MYO9A: variants seen among roughly 807,000 people sequenced by gnomAD.
MYO9A encodes the protein myosin IXA, also known as unconventional myosin-IXa.
Under a neutral mutation model 293.3 loss-of-function variants are expected in MYO9A, and 103 were observed. The ratio of observed to expected loss-of-function variants is 0.35; its 90% CI spans 0.30 to 0.41. The LOEUF (loss-of-function observed/expected upper bound fraction) is 0.41, where lower values mean the gene tolerates loss of function less well. Ranked by LOEUF, MYO9A falls within the 10% of genes least tolerant of loss-of-function variation. The pLI is 1.00. For synonymous variants in MYO9A, 1,001 were observed against 1,035.7 expected (o/e 0.97, Z 0.64); for missense variants, 2,685 against 3,033.0 (o/e 0.89, Z 2.69).
intron 39 of MYO9A, among the ~76,000 whole-genome samples, chr15:71,831,217 G>A (rs1292379495): frequency 6.6e-6 from 1 of 152,066 alleles, no homozygotes; most frequent in Non-Finnish European, 1.5e-5. Flanking sequence ...CTACAGCAGA[G>A]GACGGCAAAC....
rs2054321391 is a variant in MYO9A, at chr15:71,822,665, A to G, written c.*3915T>C. The G allele has an allele frequency of 6.6e-6, 1 of 152,340 alleles. No individual in the cohort carries two copies. Among genetic ancestry groups the G allele is most frequent in the African/African-American group, 2.4e-5 (1 of 41,572 alleles). The allele number at this position is 152,340 out of a possible 1,614,324, so 9.4% of individuals were successfully genotyped here. On this transcript the variant is annotated 3_prime_UTR_variant, in exon 42 of 42. Transcript: ENST00000356056. ...TTAAAATAATATAATACGAATCTGT[A>G]GTCCACACCTTTCCCATAGTAAATA...
intron 4 of MYO9A, among the ~76,000 whole-genome samples, chr15:72,023,794 T>C (rs905605047): frequency 4.7e-5 from 7 of 150,488 alleles, no homozygotes; most frequent in Non-Finnish European, 1.0e-4. Flanking sequence ...GAAAAAACAA[T>C]TGCCAAAATC....
intron 41 of MYO9A, 65 bp downstream of exon 41, chr15:71,827,819 T>C: frequency 6.6e-7 from 1 of 1,510,618 alleles, no homozygotes; most frequent in South Asian, 1.3e-5. Flanking sequence ...TTGTCTTAGT[T>C]TTGGAATCTT....
chr15:71,930,038 T>C (rs982549692), intron 18 of MYO9A, among the ~76,000 whole-genome samples: 1 of 152,178 alleles, frequency 6.6e-6, no homozygotes, highest in Non-Finnish European at 1.5e-5. Context: ...TGTTTGGTAG[T>C]GTTGCATCAT....
chr15:71,934,600 C>A (rs2058573971), intron 17 of MYO9A, among the ~76,000 whole-genome samples: 1 of 150,216 alleles, frequency 6.7e-6, no homozygotes, highest in South Asian at 2.1e-4. Flanking sequence ...AACTTTTTTT[C>A]CTTTTTTTTT....
intron 18 of MYO9A, among the ~76,000 whole-genome samples, chr15:71,924,026 G>A (rs927405935): frequency 6.6e-6 from 1 of 150,500 alleles, no homozygotes; most frequent in African/African-American, 2.4e-5. Context: ...GTAGACCATA[G>A]GTTTTAGTAC....
At chr15:71,879,094 T>C (rs891869234) in intron 30 of MYO9A, among the ~76,000 whole-genome samples, 6 of 152,158 alleles carry the variant, frequency 3.9e-5, no homozygotes, top group Non-Finnish European at 7.4e-5. Context: ...GATTTTTCTC[T>C]TCACAGTGAA....
chr15:71,853,283 A>T (rs964207587), intron 35 of MYO9A, among the ~76,000 whole-genome samples: 15 of 152,386 alleles, frequency 9.8e-5, no homozygotes, highest in African/African-American at 3.4e-4. Context: ...TCTGAAAGTA[A>T]GGCTAATTTT....
intron 25 of MYO9A, among the ~76,000 whole-genome samples, chr15:71,896,176 T>C (rs968544753): frequency 6.6e-6 from 1 of 152,202 alleles, no homozygotes; most frequent in Non-Finnish European, 1.5e-5. Context: ...ATATTATTGA[T>C]CATCTCTTGC....
At chr15:72,090,948 G>A (rs753329694) in intron 1 of MYO9A, among the ~76,000 whole-genome samples, 2 of 149,942 alleles carry the variant, frequency 1.3e-5, no homozygotes, top group Non-Finnish European at 3.0e-5. Flanking sequence ...AACCACTTGA[G>A]CCCACGAGTT....
intron 1 of MYO9A, among the ~76,000 whole-genome samples, chr15:72,090,170 T>A (rs2079860303): frequency 6.6e-6 from 1 of 152,218 alleles, no homozygotes; most frequent in Admixed American, 6.5e-5. Context: ...TTTAGAGAAA[T>A]CCTAAATATT....
chr15:71,976,882 T>C (rs143069767), intron 12 of MYO9A, among the ~76,000 whole-genome samples: 1 of 152,316 alleles, frequency 6.6e-6, no homozygotes, highest in East Asian at 1.9e-4. Flanking sequence ...TCATCTTACC[T>C]CTAATAGTAA....
In MYO9A at chr15:71,848,312, G is replaced by A. The variant is rs4777468; in HGVS notation, c.6837+533C>T. Among the ~76,000 whole-genome samples, 665 of 151,946 alleles carry A rather than the reference G, an allele frequency of 4.4e-3. 13 individuals are homozygous for A. Among genetic ancestry groups the A allele is most frequent in the Admixed American group, 0.036 (555 of 15,266 alleles). ...GGGCAAACCAAGGAAATAAATTATC[G>A]GTTTTACAAGGACTGTCTCAAAACC... On this transcript the variant is annotated intron_variant, in intron 39 of 41. Transcript: ENST00000356056.
At chr15:71,975,553 G>A (rs1316288641) in intron 12 of MYO9A, among the ~76,000 whole-genome samples, 1 of 151,918 alleles carries the variant, frequency 6.6e-6, no homozygotes. Context: ...CTCAGGAGCA[G>A]GTCACAGGAG....
intron 16 of MYO9A, among the ~76,000 whole-genome samples, chr15:71,936,351 T>G (rs2145914592): frequency 6.6e-6 from 1 of 151,892 alleles, no homozygotes; most frequent in East Asian, 1.9e-4. Context: ...AGCAGAGAGG[T>G]TGGTCAATGG....
chr15:72,044,995 G>C (rs560071085), intron 2 of MYO9A, among the ~76,000 whole-genome samples: 151 of 151,452 alleles, frequency 1.0e-3, no homozygotes, highest in Non-Finnish European at 1.8e-3. Context: ...GGTCCTCTTG[G>C]TTACTAAAAA....
At chr15:71,939,053 A>C (rs2058705626) in intron 15 of MYO9A, 126 bp from the exon 16 acceptor site, 1 of 652,408 alleles carries the variant, frequency 1.5e-6, no homozygotes. Flanking sequence ...GAAATATCTA[A>C]ATAATTACAT....
At chr15:72,025,214 A>T (rs1330418745) in intron 4 of MYO9A, among the ~76,000 whole-genome samples, 2 of 152,178 alleles carry the variant, frequency 1.3e-5, no homozygotes, top group African/African-American at 4.8e-5. Context: ...ATTATTACTA[A>T]TATCAGGTAA....
intron 8 of MYO9A, among the ~76,000 whole-genome samples, chr15:72,000,650 T>A (rs1720621847): frequency 6.6e-6 from 1 of 152,190 alleles, no homozygotes; most frequent in African/African-American, 2.4e-5. Flanking sequence ...TTATTATTAT[T>A]ATTTTTTGAG....
Sources: gnomAD v4.1 joint callset for allele counts (sites outside exome capture counted in the v4.1 genomes callset) on GRCh38, gnomAD v4.1.1 for gene constraint, MANE v1.5 for transcripts, NCBI Gene and HGNC (gene_info 2026-07-23, HGNC 2026-07-21) for gene names.